NXPE1: variants seen among roughly 807,000 people sequenced by gnomAD.
NXPE1 encodes neurexophilin and PC-esterase domain family member 1.
NXPE1 carries 31 observed loss-of-function variants against 33.3 expected under a neutral mutation model. The ratio of observed to expected loss-of-function variants is 0.93; its 90% CI spans 0.70 to 1.26. NXPE1 has a LOEUF of 1.26. Among genes scored for constraint, NXPE1 ranks in the 50% most tolerant of loss-of-function variants. The pLI, the probability that NXPE1 is intolerant of heterozygous loss-of-function variation, is 0.00. For missense variants in NXPE1, 661 were observed against 655.6 expected, an observed-to-expected ratio of 1.01 and a Z score of -0.09; for synonymous variants, 229 against 231.4, an observed-to-expected ratio of 0.99 and a Z score of 0.09.
At chr11:114,552,253 G>T (rs1361740018) in intron 2 of NXPE1, among the ~76,000 whole-genome samples, 168 bp from the exon 3 acceptor site, 2 of 152,148 alleles carry the variant, frequency 1.3e-5, no homozygotes, top group Non-Finnish European at 2.9e-5. Context: ...CTGAAGCGTG[G>T]TGTGAGAGAA....
Position 114,551,218 on chromosome 11 carries a change from G to T in NXPE1, c.-10-7C>A. On this transcript the variant is annotated splice_region_variant and splice_polypyrimidine_tract_variant and intron_variant, in intron 4 of 8. Coordinates refer to ENST00000534921, the Ensembl canonical transcript of NXPE1. ...TGAGGACATGACGAATGTCCTAGGA[G>T]AGATGACACAAGAGAGGAGTCGTGA... 5 of 1,498,300 alleles carry T rather than the reference G, an allele frequency of 3.3e-6. No individual in the cohort carries two copies. The highest frequency in any genetic ancestry group is 4.5e-6 in the Non-Finnish European group (5 of 1,112,810). 92.8% of individuals were successfully genotyped at this position (1,498,300 alleles called of 1,614,324 possible). A position where few individuals can be genotyped will look rare whatever the true frequency, so the allele number is the denominator to read the frequency against.
chr11:114,545,863 A>G (rs575157750), intron 5 of NXPE1, among the ~76,000 whole-genome samples: 3 of 151,820 alleles, frequency 2.0e-5, no homozygotes, highest in Non-Finnish European at 2.9e-5. Context: ...TAATTTTTGT[A>G]TTTTTTTAAT....
At chr11:114,548,070 A>T (rs1948341509) in intron 5 of NXPE1, among the ~76,000 whole-genome samples, 2 of 152,188 alleles carry the variant, frequency 1.3e-5, no homozygotes, top group Admixed American at 1.3e-4. Flanking sequence ...ATAAGGTAAC[A>T]TTCATAACCA....
chr11:114,551,380 T>A lies in NXPE1; in HGVS notation c.-11+3A>T. On this transcript the variant is annotated splice_donor_region_variant and intron_variant, in intron 4 of 8. Coordinates refer to ENST00000534921, the Ensembl canonical transcript of NXPE1. Reference sequence around the variant, plus strand: ...AACTCATACCCCCAATCCCTTTGTCTACCTATTGGATACTTCTTGTCGAGG... The same window carrying A: ...AACTCATACCCCCAATCCCTTTGTCAACCTATTGGATACTTCTTGTCGAGG... The A allele has an allele frequency of 7.2e-7, 1 of 1,386,738 alleles. No individual in the cohort carries two copies. Among genetic ancestry groups the A allele is most frequent in the Non-Finnish European group, 9.3e-7 (1 of 1,074,802 alleles). 85.9% of individuals were successfully genotyped at this position (1,386,738 alleles called of 1,614,324 possible). A position where few individuals can be genotyped will look rare whatever the true frequency, so the allele number is the denominator to read the frequency against.
chr11:114,526,613 C>T (rs766509842), intron 7 of NXPE1: 1 of 152,216 alleles, frequency 6.6e-6, no homozygotes, highest in Non-Finnish European at 1.5e-5. Context: ...GGTTCTTCCT[C>T]TCTTTCTAGG....
intron 5 of NXPE1, among the ~76,000 whole-genome samples, chr11:114,543,539 T>C (rs1181699946): frequency 6.6e-6 from 1 of 151,888 alleles, no homozygotes; most frequent in Admixed American, 6.6e-5. Context: ...AAAAATCTTT[T>C]TAGATTGGTT....
At chr11:114,526,067 G>A (rs1407906661) in intron 7 of NXPE1, among the ~76,000 whole-genome samples, 1 of 152,124 alleles carries the variant, frequency 6.6e-6, no homozygotes, top group Non-Finnish European at 1.5e-5. Context: ...GCAGAAGAGT[G>A]GGTCAAAGAT....
intron 1 of NXPE1, among the ~76,000 whole-genome samples, 168 bp downstream of exon 1, chr11:114,559,630 C>T (rs1407279546): frequency 6.6e-6 from 1 of 151,930 alleles, no homozygotes; most frequent in East Asian, 1.9e-4. Flanking sequence ...TTGTTTCCCA[C>T]ACTTTCTTCT....
chr11:114,519,567 G>T (rs1216205369), downstream of NXPE1, among the ~76,000 whole-genome samples: 2 of 152,142 alleles, frequency 1.3e-5, no homozygotes, highest in East Asian at 3.8e-4. Flanking sequence ...CTTTCCCGGG[G>T]TGTCAGGGAA....
downstream of NXPE1, among the ~76,000 whole-genome samples, chr11:114,520,028 T>G (rs990502515): frequency 2.7e-5 from 4 of 150,456 alleles, no homozygotes; most frequent in Non-Finnish European, 2.9e-5. Flanking sequence ...GGTCTCGATC[T>G]CCTGACCTCG....
chr11:114,528,741 G>A (rs1287798581), intron 6 of NXPE1: 1 of 593,778 alleles, frequency 1.7e-6, no homozygotes, highest in African/African-American at 1.8e-5. Context: ...AGGAAGAAAG[G>A]GATTAAGGGG....
At chr11:114,549,503 T>G (rs1948399727) in intron 5 of NXPE1, among the ~76,000 whole-genome samples, 1 of 152,062 alleles carries the variant, frequency 6.6e-6, no homozygotes, top group South Asian at 2.1e-4. Flanking sequence ...CATGATTATC[T>G]TCATAAAAGC....
At chr11:114,528,262 A>T (rs182495397) in intron 6 of NXPE1, among the ~76,000 whole-genome samples, 221 of 152,292 alleles carry the variant, frequency 1.5e-3, no homozygotes, top group Non-Finnish European at 1.6e-3. Flanking sequence ...TGAGCCTCTA[A>T]TTGGTCATGC....
intron 6 of NXPE1, 77 bp from the exon 7 acceptor site, chr11:114,527,978 G>T: frequency 9.1e-7 from 1 of 1,096,982 alleles, no homozygotes; most frequent in South Asian, 1.6e-5. Context: ...GCTTGTGAGT[G>T]AAGGAAAATT....
intron 5 of NXPE1, among the ~76,000 whole-genome samples, chr11:114,540,677 T>A (rs1948059967): frequency 1.3e-5 from 2 of 151,908 alleles, no homozygotes; most frequent in African/African-American, 4.8e-5. Flanking sequence ...CAAAAACAAG[T>A]ACCTGAAGGC....
chr11:114,550,964 T>G, intron 5 of NXPE1, 139 bp downstream of exon 5: 1 of 571,314 alleles, frequency 1.8e-6, no homozygotes, highest in Non-Finnish European at 3.1e-6. Context: ...CTCTAAGGAG[T>G]TAGGTAGAGA....
rs533493683 is a variant in NXPE1 at position 114,537,211 on chromosome 11, C to T, written c.100-6303G>A. Among the ~76,000 whole-genome samples, 9 of 152,244 alleles carry T rather than the reference C, an allele frequency of 5.9e-5. No homozygotes were observed. The South Asian group carries it at 1.9e-3, about 32-fold the overall frequency. ...ATTATCTCAATAGATGCAGAAAGGG[C>T]CTTTGACAAAATTCAACAACCCTTC... is the stretch of plus-strand genomic sequence containing the variant. On this transcript the variant is annotated intron_variant, in intron 5 of 8. Coordinates refer to ENST00000534921, the Ensembl canonical transcript of NXPE1.
At chr11:114,522,343 A>G in exon 9 of NXPE1, 3 of 1,614,136 alleles carry the variant, frequency 1.9e-6, no homozygotes, top group Non-Finnish European at 2.5e-6. Context: ...ATAGCCGGTC[A>G]ATTTCCCGAG....
chr11:114,522,993 G>C (rs760342278), exon 8 of NXPE1: 5 of 1,613,546 alleles, frequency 3.1e-6, no homozygotes, highest in Non-Finnish European at 2.5e-6. Context: ...AACTGAACCT[G>C]GTTGCAAAAT....
Sources: gnomAD v4.1 joint callset for allele counts (sites outside exome capture counted in the v4.1 genomes callset) on GRCh38, gnomAD v4.1.1 for gene constraint, MANE v1.5 for transcripts, NCBI Gene and HGNC (gene_info 2026-07-23, HGNC 2026-07-21) for gene names.